PSMA1: variants seen among roughly 807,000 people sequenced by gnomAD.
PSMA1 encodes proteasome subunit alpha type-1.
Under a neutral mutation model 38.4 loss-of-function variants are expected in PSMA1, and 3 were observed. The observed-to-expected ratio is 0.08, with a 90% confidence interval of 0.04 to 0.20. The LOEUF is 0.20. Among genes scored for constraint, PSMA1 ranks in the 10% least tolerant of loss-of-function variants. The pLI is 1.00. For missense variants in PSMA1, 227 were observed against 325.3 expected (o/e 0.70, Z 2.32); for synonymous variants, 101 against 107.1 (o/e 0.94, Z 0.35).
chr11:14,576,011 T>C (rs1852209266), intron 2 of PSMA1, among the ~76,000 whole-genome samples: 1 of 152,240 alleles, frequency 6.6e-6, no homozygotes. Flanking sequence ...TGATGGCCAG[T>C]GATGATGAGC....
chr11:14,567,844 G>A (rs533388235), intron 2 of PSMA1, among the ~76,000 whole-genome samples: 19 of 152,240 alleles, frequency 1.2e-4, no homozygotes, highest in Admixed American at 3.9e-4. Context: ...GTGCTGTCTG[G>A]TGTTCCTGAG....
chr11:14,633,845 C>T (rs1240717786), intron 1 of PSMA1, among the ~76,000 whole-genome samples: 2 of 152,110 alleles, frequency 1.3e-5, no homozygotes, highest in Non-Finnish European at 2.9e-5. Context: ...TCGTGATGCG[C>T]CGTTTTTTAA....
intron 2 of PSMA1, among the ~76,000 whole-genome samples, chr11:14,557,088 G>T (rs1246263344): frequency 6.6e-6 from 1 of 152,100 alleles, no homozygotes; most frequent in African/African-American, 2.4e-5. Flanking sequence ...TCTTGCCTTG[G>T]CCTCCCAAAG....
chr11:14,517,603 G>T, intron 4 of PSMA1, 39 bp downstream of exon 4: 1 of 1,430,926 alleles, frequency 7.0e-7, no homozygotes, highest in Non-Finnish European at 9.5e-7. Flanking sequence ...AATCAATTAT[G>T]AAACAAAAAG....
chr11:14,516,691 T>C (rs1271434940), intron 4 of PSMA1, among the ~76,000 whole-genome samples: 1 of 152,100 alleles, frequency 6.6e-6, no homozygotes, highest in East Asian at 1.9e-4. Flanking sequence ...TTTGGGAGGC[T>C]GAGGTGGGCA....
At chr11:14,628,159 A>G (rs1383510963) in intron 1 of PSMA1, among the ~76,000 whole-genome samples, 1 of 152,098 alleles carries the variant, frequency 6.6e-6, no homozygotes, top group Non-Finnish European at 1.5e-5. Flanking sequence ...TCTGAGATGG[A>G]ATAGTTTTTC....
At chr11:14,643,591 G>C (rs1590021631) in exon 1 of PSMA1, 1 of 151,760 alleles carries the variant, frequency 6.6e-6, no homozygotes, top group Non-Finnish European at 1.5e-5. Flanking sequence ...GCCTGGGCAC[G>C]CTGGGTCGGC....
Position 14,555,855 on chromosome 11 carries a change from C to T in PSMA1, c.22-36814G>A, listed in dbSNP as rs1309577222. Among the ~76,000 whole-genome samples the T allele has an allele frequency of 2.0e-5, 3 of 152,120 alleles. No homozygotes were observed. The East Asian group carries it at 5.8e-4, about 29-fold the overall frequency. ...TATCTGATACAATCATTTTGTTTTC[C>T]CTTTAGTTAATAATTGTCTTTTTAA... is the stretch of plus-strand genomic sequence containing the variant. On this transcript the variant is annotated intron_variant, in intron 2 of 10. Transcript: ENST00000418988.
intron 2 of PSMA1, among the ~76,000 whole-genome samples, chr11:14,582,016 A>G (rs1852287337): frequency 6.6e-6 from 1 of 152,202 alleles, no homozygotes; most frequent in African/African-American, 2.4e-5. Flanking sequence ...TCATGTGTCT[A>G]CTGCTGAGTG....
rs1240980373 is a variant in PSMA1, at chr11:14,534,987, T to C, written c.22-15946A>G. On this transcript the variant is annotated intron_variant, in intron 2 of 10. Coordinates refer to the PSMA1 transcript ENST00000418988. The surrounding 1 kb of genome is among the most constrained non-coding windows in gnomAD (Gnocchi z 4.5). ...TACTCGGGAGGCTGAGGCAGGAGAA[T>C]TGCTTGAACCCAGGAGGCAGAGGTT... Among the ~76,000 whole-genome samples the C allele has an allele frequency of 2.6e-5, 4 of 152,070 alleles. No individual in the cohort carries two copies. Among genetic ancestry groups the C allele is most frequent in the Non-Finnish European group, 4.4e-5 (3 of 68,004 alleles).
chr11:14,638,718 G>A (rs1055335316), intron 1 of PSMA1, among the ~76,000 whole-genome samples: 2 of 146,690 alleles, frequency 1.4e-5, no homozygotes, highest in Non-Finnish European at 3.0e-5. Context: ...GCTTGGCCTG[G>A]CAGTTTGTCA....
At chr11:14,555,591 T>C (rs950015764) in intron 2 of PSMA1, among the ~76,000 whole-genome samples, 6 of 152,196 alleles carry the variant, frequency 3.9e-5, no homozygotes, top group African/African-American at 9.6e-5. Context: ...CAGCTAACTG[T>C]AGTCACATCT....
intron 1 of PSMA1, among the ~76,000 whole-genome samples, chr11:14,631,218 A>T (rs370715768): frequency 1.4e-4 from 22 of 151,808 alleles, no homozygotes; most frequent in East Asian, 5.8e-4. Context: ...CTTTTGAATG[A>T]GTTTGCTCTT....
At chr11:14,612,755 A>T (rs1852725177) in intron 1 of PSMA1, among the ~76,000 whole-genome samples, 1 of 152,132 alleles carries the variant, frequency 6.6e-6, no homozygotes, top group Non-Finnish European at 1.5e-5. Context: ...AGTCATTTAG[A>T]GTAGGCTATG....
intron 9 of PSMA1, among the ~76,000 whole-genome samples, chr11:14,506,231 A>C (rs1418845979): frequency 6.6e-6 from 1 of 152,192 alleles, no homozygotes. Context: ...ATATCATTGA[A>C]CAATTCCACC....
chr11:14,586,661 C>T (rs1274071449), intron 2 of PSMA1, among the ~76,000 whole-genome samples: 2 of 152,156 alleles, frequency 1.3e-5, no homozygotes, highest in African/African-American at 4.8e-5. Context: ...CTCTTCTTTT[C>T]ACCCATAGAA....
chr11:14,584,457 A>T (rs1277784157), intron 2 of PSMA1, among the ~76,000 whole-genome samples: 2 of 150,906 alleles, frequency 1.3e-5, no homozygotes, highest in Non-Finnish European at 2.9e-5. Context: ...AATAAGTGTC[A>T]GTTAATAGGC....
rs553649446 is a variant in PSMA1, at chr11:14,534,947, G to A, written c.22-15906C>T. ...AAAATTAGCGGGCATGGTGGCAGAC[G>A]CCTGTAATCCCAGCTACTCGGGAGG... On this transcript the variant is annotated intron_variant, in intron 2 of 10. Coordinates refer to the PSMA1 transcript ENST00000418988. The surrounding 1 kb of genome is among the most constrained non-coding windows in gnomAD (Gnocchi z 4.5). Among the ~76,000 whole-genome samples the A allele has an allele frequency of 2.7e-4, 41 of 152,178 alleles. No homozygotes were observed. The highest frequency in any genetic ancestry group is 9.4e-4 in the African/African-American group (39 of 41,536).
intron 2 of PSMA1, among the ~76,000 whole-genome samples, chr11:14,582,426 T>G (rs1435029771): frequency 2.0e-5 from 3 of 151,768 alleles, no homozygotes; most frequent in South Asian, 4.2e-4. Flanking sequence ...TTTCACAATA[T>G]AATCCACCTC....
Sources: gnomAD v4.1 joint callset for allele counts (sites outside exome capture counted in the v4.1 genomes callset) on GRCh38, gnomAD v4.1.1 for gene constraint, Gnocchi (gnomAD v3.1) non-coding constraint, MANE v1.5 for transcripts, NCBI Gene and HGNC (gene_info 2026-07-23, HGNC 2026-07-21) for gene names.